Variants in RAB1A observed in about 807,000 individuals in gnomAD.
RAB1A encodes ras-related protein Rab-1A.
A neutral mutation model predicts 26.0 loss-of-function variants in RAB1A; 2 were observed. The observed-to-expected ratio is 0.08, with a 90% CI of 0.03 to 0.24. The LOEUF (loss-of-function observed/expected upper bound fraction) is 0.24, where lower values mean the gene tolerates loss of function less well. RAB1A is among the 10% of genes least tolerant of loss of function. RAB1A has a pLI of 1.00. For missense variants in RAB1A, 100 were observed against 247.0 expected, an observed-to-expected ratio of 0.40 and a Z score of 3.99; for synonymous variants, 84 against 84.9, an observed-to-expected ratio of 0.99 and a Z score of 0.06.
chr2:65,093,789 A>C (rs1056426008), intron 3 of RAB1A, among the ~76,000 whole-genome samples: 4 of 151,722 alleles, frequency 2.6e-5, no homozygotes, highest in African/African-American at 9.7e-5. Flanking sequence ...TGCCCAGCTA[A>C]TTTTTTTGTA....
chr2:65,106,841 G>A (rs1669573773), intron 1 of RAB1A, among the ~76,000 whole-genome samples: 1 of 151,374 alleles, frequency 6.6e-6, no homozygotes, highest in Non-Finnish European at 1.5e-5. Flanking sequence ...TACTACTATT[G>A]ATAAGGTTCC....
At chr2:65,102,312 C>T (rs1465441769) in intron 2 of RAB1A, among the ~76,000 whole-genome samples, 1 of 151,838 alleles carries the variant, frequency 6.6e-6, no homozygotes, top group East Asian at 1.9e-4. Context: ...ATTAAAGAGC[C>T]ACCTATGTTT....
intron 1 of RAB1A, among the ~76,000 whole-genome samples, chr2:65,117,925 T>G (rs951807618): frequency 1.3e-5 from 2 of 152,246 alleles, no homozygotes; most frequent in Non-Finnish European, 2.9e-5. Flanking sequence ...AACAGCCTAT[T>G]TGTTGTAGTG....
In RAB1A at chr2:65,108,789, A is replaced by T. The variant is rs554112605; in HGVS notation, c.24-3983T>A. ...TCATTGTACTTCAGCCTGGACAATA[A>T]GGGCGAAACTCCATCTCAAAAAAAC... On this transcript the variant is annotated intron_variant, in intron 1 of 5. Transcript: ENST00000409784. 5.8e-4 allele frequency among the ~76,000 whole-genome samples: 89 copies of T among 152,316 alleles called. 1 individual carries two copies. The highest frequency in any genetic ancestry group is 2.0e-3 in the African/African-American group (84 of 41,574).
chr2:65,130,084 C>G lies in RAB1A; in HGVS notation c.-169G>C, dbSNP rs1367989515. On this transcript the variant is annotated 5_prime_UTR_variant, in exon 1 of 6. Coordinates refer to ENST00000409784, the MANE Select transcript of RAB1A (RefSeq NM_004161.5). ...AACACAATCAGCAGCCGCCGCCACT[C>G]AGCTATCGCTTCCACCCAAAATGGC... The G allele has an allele frequency of 6.4e-6, 5 of 786,248 alleles. No homozygotes were observed. Among genetic ancestry groups the G allele is most frequent in the Middle Eastern group, 2.2e-4 (1 of 4,484 alleles). 48.7% of individuals were successfully genotyped at this position (786,248 alleles called of 1,614,324 possible).
chr2:65,097,955 T>A lies in RAB1A; in HGVS notation c.192+16A>T, dbSNP rs750896359. The A allele has an allele frequency of 5.6e-6, 8 of 1,426,706 alleles. No individual in the cohort carries two copies. Among genetic ancestry groups the A allele is most frequent in the Non-Finnish European group, 7.6e-6 (8 of 1,050,082 alleles). The allele number at this position is 1,426,706 out of a possible 1,614,324, so 88.4% of individuals were successfully genotyped here. A position where few individuals can be genotyped will look rare whatever the true frequency, so the allele number is the denominator to read the frequency against. On this transcript the variant is annotated intron_variant, in intron 3 of 5. Transcript: ENST00000409784. ...CCAAAATAAATTTCAAAAAAATTAC[T>A]AGCCAAGTCACTTACTATTTGAAGC...
At chr2:65,102,298 C>T (rs1220614602) in intron 2 of RAB1A, among the ~76,000 whole-genome samples, 1 of 151,908 alleles carries the variant, frequency 6.6e-6, no homozygotes, top group Non-Finnish European at 1.5e-5. Context: ...CTTCACAAAC[C>T]AAGATTAAAG....
intron 1 of RAB1A, among the ~76,000 whole-genome samples, chr2:65,115,559 C>A (rs1306282003): frequency 2.6e-5 from 4 of 152,112 alleles, no homozygotes; most frequent in Admixed American, 1.3e-4. Flanking sequence ...ACAGTGAGCA[C>A]ATATTATTCC....
intron 1 of RAB1A, among the ~76,000 whole-genome samples, chr2:65,108,368 A>AAAAGAAAG (rs10688731): frequency 6.9e-6 from 1 of 144,042 alleles, no homozygotes; most frequent in African/African-American, 2.6e-5. Context: ...AAAAAAAAAA[A>AAAAGAAAG]AAAGAAAGAA....
intron 1 of RAB1A, among the ~76,000 whole-genome samples, chr2:65,120,939 G>C (rs1669949281): frequency 6.6e-6 from 1 of 152,124 alleles, no homozygotes; most frequent in Admixed American, 6.6e-5. Flanking sequence ...TTGAGACGCA[G>C]ACTGCACAAA....
intron 2 of RAB1A, among the ~76,000 whole-genome samples, chr2:65,100,349 C>T (rs1285449629): frequency 1.4e-5 from 2 of 141,800 alleles, no homozygotes; most frequent in South Asian, 2.2e-4. Context: ...TGCAGTGAGC[C>T]GAGACTGTGC....
At chr2:65,107,658 CACA>C (rs1206122424) in intron 1 of RAB1A, among the ~76,000 whole-genome samples, 3 of 152,038 alleles carry the variant, frequency 2.0e-5, no homozygotes, top group African/African-American at 7.2e-5. Context: ...GAAGTTTCAA[CACA>C]ACAACTGGAC....
At chr2:65,092,107 T>A (rs1669185821) in intron 3 of RAB1A, among the ~76,000 whole-genome samples, 1 of 152,100 alleles carries the variant, frequency 6.6e-6, no homozygotes, top group African/African-American at 2.4e-5. Context: ...ACCCTGTCTC[T>A]ACTAAAAATC....
At chr2:65,108,281 G>C (rs939725198) in intron 1 of RAB1A, among the ~76,000 whole-genome samples, 13 of 149,236 alleles carry the variant, frequency 8.7e-5, no homozygotes, top group African/African-American at 3.2e-4. Context: ...AGAATTGCTT[G>C]AACCCAGGAG....
chr2:65,110,924 A>G (rs1023197808), intron 1 of RAB1A, among the ~76,000 whole-genome samples: 1 of 152,068 alleles, frequency 6.6e-6, no homozygotes, highest in Non-Finnish European at 1.5e-5. Context: ...CAACAGAGTG[A>G]GATCCCATCT....
intron 3 of RAB1A, among the ~76,000 whole-genome samples, chr2:65,097,441 G>GT (rs1173655726): frequency 1.3e-5 from 2 of 152,026 alleles, no homozygotes; most frequent in African/African-American, 4.8e-5. Flanking sequence ...TTCAGCATTC[G>GT]TTTTTTTGAG....
chr2:65,098,140 A>C (rs1669333734), intron 2 of RAB1A, 74 bp from the exon 3 acceptor site: 9 of 858,750 alleles, frequency 1.0e-5, no homozygotes, highest in African/African-American at 3.5e-5. Context: ...GAAAAAAAAA[A>C]ACTGTTGTTC....
intron 1 of RAB1A, among the ~76,000 whole-genome samples, chr2:65,126,435 C>T (rs559165635): frequency 7.1e-4 from 107 of 151,522 alleles, no homozygotes; most frequent in Non-Finnish European, 1.3e-3. Flanking sequence ...AGCAAGATTC[C>T]GTCTCAAAAA....
intron 1 of RAB1A, among the ~76,000 whole-genome samples, chr2:65,113,758 A>G (rs1200449674): frequency 6.6e-6 from 1 of 152,198 alleles, no homozygotes; most frequent in Non-Finnish European, 1.5e-5. Context: ...GAATTTTTTA[A>G]AGTATAACCT....
Sources: gnomAD v4.1 joint callset for allele counts (sites outside exome capture counted in the v4.1 genomes callset) on GRCh38, gnomAD v4.1.1 for gene constraint, MANE v1.5 for transcripts, NCBI Gene and HGNC (gene_info 2026-07-23, HGNC 2026-07-21) for gene names.